PAM: variants seen among roughly 807,000 people sequenced by gnomAD.
PAM encodes peptidyl-glycine alpha-amidating monooxygenase.
PAM carries 72 observed loss-of-function variants against 122.1 expected under a neutral mutation model. That is an observed-to-expected ratio of 0.59 (90% confidence interval 0.49 to 0.72). The LOEUF (loss-of-function observed/expected upper bound fraction) is 0.72. Ranked by LOEUF, PAM falls within the 30% of genes least tolerant of loss-of-function variation. PAM has a pLI of 0.00. For synonymous variants in PAM, 389 were observed against 404.4 expected, an observed-to-expected ratio of 0.96 and a Z score of 0.46; for missense variants, 1,106 against 1,183.7, an observed-to-expected ratio of 0.93 and a Z score of 0.96.
chr5:102,766,334 A>T (rs553377979), intron 1 of PAM, among the ~76,000 whole-genome samples: 2 of 152,196 alleles, frequency 1.3e-5, no homozygotes, highest in Admixed American at 1.3e-4. Context: ...TGACTGTCCC[A>T]TCTGGGGGTG....
chr5:103,028,052 T>C, intron 24 of PAM, 133 bp from the exon 25 acceptor site: 1 of 669,820 alleles, frequency 1.5e-6, no homozygotes, highest in South Asian at 2.0e-5. Context: ...TCTTAAAAAT[T>C]AGAATTGCAT....
rs1770773741 is a variant in PAM at position 102,983,788 on chromosome 5, G to A, written c.1484-6484G>A. ...AGACTAAATTCTAAAAACATCAAGA[G>A]TAAAGCATCAAGTCACATATAAGGA... is the stretch of plus-strand genomic sequence containing the variant. On this transcript the variant is annotated intron_variant, in intron 15 of 25. Coordinates refer to ENST00000438793, the MANE Select transcript of PAM (RefSeq NM_001177306.2). Among the ~76,000 whole-genome samples the A allele has an allele frequency of 2.0e-5, 3 of 152,114 alleles. No homozygotes were observed. The South Asian group carries it at 6.2e-4, about 32-fold the overall frequency.
At chr5:102,791,996 C>T (rs1000544069) in intron 1 of PAM, among the ~76,000 whole-genome samples, 5 of 152,116 alleles carry the variant, frequency 3.3e-5, no homozygotes, top group Non-Finnish European at 5.9e-5. Context: ...AGAAGTTGTA[C>T]CCATACTAAT....
rs1276581100 is a variant in PAM at position 102,924,664 on chromosome 5, T to C, written c.357-293T>C. ...ATGCTTGCTTTTCTACCTGATTACATAGAGTACATTCCATGTATGAACATA... is the reference window on the plus strand; with the variant it reads ...ATGCTTGCTTTTCTACCTGATTACACAGAGTACATTCCATGTATGAACATA... On this transcript the variant is annotated intron_variant, in intron 5 of 25. Transcript: ENST00000438793. Among the ~76,000 whole-genome samples the C allele has an allele frequency of 3.3e-5, 5 of 151,926 alleles. No homozygotes were observed. In the South Asian group the frequency reaches 8.3e-4, roughly 25 times the overall value.
chr5:102,823,666 T>C (rs185478735), intron 1 of PAM, among the ~76,000 whole-genome samples: 1 of 152,230 alleles, frequency 6.6e-6, no homozygotes, highest in Admixed American at 6.5e-5. Flanking sequence ...TTTTATTCCA[T>C]GGGCATTTTC....
chr5:102,920,475 A>G (rs561220939), intron 5 of PAM, among the ~76,000 whole-genome samples: 22 of 152,204 alleles, frequency 1.4e-4, no homozygotes, highest in Non-Finnish European at 2.6e-4. Flanking sequence ...CTTAATCACC[A>G]TTCTAATTTG....
intron 1 of PAM, among the ~76,000 whole-genome samples, chr5:102,817,010 C>A (rs973505247): frequency 4.6e-5 from 7 of 152,088 alleles, no homozygotes; most frequent in Non-Finnish European, 1.0e-4. Flanking sequence ...TCCCAGAAAT[C>A]ATCAATATTA....
chr5:102,978,717 C>T (rs537962718), intron 15 of PAM, among the ~76,000 whole-genome samples: 2 of 151,850 alleles, frequency 1.3e-5, no homozygotes, highest in Non-Finnish European at 2.9e-5. Flanking sequence ...ATTTCAGAGT[C>T]CATTCTTATA....
chr5:102,907,817 T>C (rs1463433096), intron 4 of PAM, among the ~76,000 whole-genome samples: 1 of 151,964 alleles, frequency 6.6e-6, no homozygotes, highest in Non-Finnish European at 1.5e-5. Context: ...TTTGATGGGG[T>C]TGTTTGTTTT....
At chr5:102,938,609 C>T (rs1754064963) in intron 7 of PAM, among the ~76,000 whole-genome samples, 2 of 152,004 alleles carry the variant, frequency 1.3e-5, no homozygotes, top group Non-Finnish European at 2.9e-5. Flanking sequence ...CTTTGCAACT[C>T]ATGTTTTTTT....
chr5:102,931,258 G>T (rs1200747777), intron 7 of PAM, among the ~76,000 whole-genome samples: 2 of 152,172 alleles, frequency 1.3e-5, no homozygotes, highest in Non-Finnish European at 1.5e-5. Flanking sequence ...TGTTTTGAGT[G>T]TGTCACGTTG....
chr5:102,835,097 C>A (rs1776609244), intron 1 of PAM, among the ~76,000 whole-genome samples: 1 of 151,986 alleles, frequency 6.6e-6, no homozygotes, highest in African/African-American at 2.4e-5. Flanking sequence ...TTAGTCATTA[C>A]TGGTAATAAT....
At chr5:102,982,072 G>T (rs1237405610) in intron 15 of PAM, among the ~76,000 whole-genome samples, 1 of 151,840 alleles carries the variant, frequency 6.6e-6, no homozygotes, top group Admixed American at 6.6e-5. Context: ...TTGAGGCCTG[G>T]GTACCAACCC....
chr5:103,005,727 A>G (rs567630462), intron 18 of PAM, among the ~76,000 whole-genome samples: 1 of 152,220 alleles, frequency 6.6e-6, no homozygotes, highest in Non-Finnish European at 1.5e-5. Flanking sequence ...CATTCAGTCC[A>G]TAACAATCCA....
At chr5:102,937,781 T>C (rs1317991480) in intron 7 of PAM, among the ~76,000 whole-genome samples, 1 of 152,156 alleles carries the variant, frequency 6.6e-6, no homozygotes, top group Non-Finnish European at 1.5e-5. Context: ...TTTTCTAGTT[T>C]GTGTATGTAA....
intron 17 of PAM, 123 bp downstream of exon 17, chr5:103,003,272 G>T: frequency 1.9e-6 from 1 of 538,046 alleles, no homozygotes; most frequent in Admixed American, 3.2e-5. Flanking sequence ...AAACTAACTG[G>T]GCCATCCCAT....
intron 1 of PAM, among the ~76,000 whole-genome samples, chr5:102,774,755 T>A (rs1303698264): frequency 6.6e-6 from 1 of 152,134 alleles, no homozygotes; most frequent in African/African-American, 2.4e-5. Flanking sequence ...CATTGTCAGA[T>A]ATTTTGCAAT....
chr5:102,898,367 C>T (rs1232352744), intron 3 of PAM, among the ~76,000 whole-genome samples: 1 of 151,412 alleles, frequency 6.6e-6, no homozygotes, highest in Non-Finnish European at 1.5e-5. Flanking sequence ...AAAGAGGATT[C>T]ATGATGATGA....
intron 1 of PAM, among the ~76,000 whole-genome samples, chr5:102,847,351 A>G (rs1333581116): frequency 6.6e-6 from 1 of 152,154 alleles, no homozygotes; most frequent in African/African-American, 2.4e-5. Flanking sequence ...AGGCAGAAGA[A>G]TCTCTTGAAC....
Sources: gnomAD v4.1 joint callset for allele counts (sites outside exome capture counted in the v4.1 genomes callset) on GRCh38, gnomAD v4.1.1 for gene constraint, MANE v1.5 for transcripts, NCBI Gene and HGNC (gene_info 2026-07-23, HGNC 2026-07-21) for gene names.